The following POLR3E variants were observed in gnomAD, a reference collection of about 807,000 sequenced individuals.
POLR3E encodes DNA-directed RNA polymerase III subunit RPC5.
POLR3E carries 41 observed loss-of-function variants against 96.6 expected under a neutral mutation model. The observed-to-expected ratio is 0.42, with a 90% confidence interval of 0.33 to 0.55. The LOEUF is 0.55. Among genes scored for constraint, POLR3E ranks in the 20% least tolerant of loss-of-function variants. The pLI is 0.06. For missense variants in POLR3E, 849 were observed against 952.1 expected (o/e 0.89, Z 1.43); for synonymous variants, 396 against 383.6 (o/e 1.03, Z -0.38).
chr16:22,305,034 C>T, intron 2 of POLR3E, 122 bp from the exon 3 acceptor site: 2 of 786,166 alleles, frequency 2.5e-6, no homozygotes, highest in Non-Finnish European at 4.6e-6. Flanking sequence ...GAGCTATTTC[C>T]TCCTTCCCCA....
intron 20 of POLR3E, 61 bp downstream of exon 20, chr16:22,332,246 TAGA>T (rs1373765636): frequency 2.0e-6 from 3 of 1,484,412 alleles, no homozygotes; most frequent in Non-Finnish European, 2.8e-6. Context: ...TGACAGTGTG[TAGA>T]AGGGACTCTA....
intron 13 of POLR3E, among the ~76,000 whole-genome samples, chr16:22,319,709 ATT>A (rs1456291557): frequency 4.6e-5 from 7 of 152,096 alleles, no homozygotes; most frequent in African/African-American, 1.7e-4. Context: ...GCATTTAAAC[ATT>A]TTTTAAATTG....
At chr16:22,333,351 C>G (rs1476342320) in intron 20 of POLR3E, among the ~76,000 whole-genome samples, 2 of 150,962 alleles carry the variant, frequency 1.3e-5, no homozygotes, top group Non-Finnish European at 2.9e-5. Flanking sequence ...ACTTGGGAGG[C>G]TGAGGCAGGA....
intron 6 of POLR3E, 55 bp downstream of exon 6, chr16:22,309,565 A>T: frequency 8.7e-5 from 98 of 1,123,118 alleles, no homozygotes; most frequent in Non-Finnish European, 1.2e-4. Context: ...GGGGCTGGGC[A>T]GGGAGAGTAC....
At position 22,334,058 on chromosome 16, in the gene POLR3E, T is replaced by C. The variant is rs1379204256; in HGVS notation, c.*358T>C. ...TTAATATTTTCTTTTGTAAACTTAA[T>C]GCCAACAAGGTCTAAGTTATGTTTA... On this transcript the variant is annotated 3_prime_UTR_variant, in exon 21 of 21. Transcript: ENST00000299853. The C allele has an allele frequency of 9.6e-6, 2 of 207,798 alleles. No homozygotes were observed. The highest frequency in any genetic ancestry group is 1.9e-5 in the Non-Finnish European group (2 of 104,952). 12.9% of individuals were successfully genotyped at this position (207,798 alleles called of 1,614,324 possible). A position where few individuals can be genotyped will look rare whatever the true frequency, so the allele number is the denominator to read the frequency against.
In POLR3E at chr16:22,313,716, C is replaced by T. The variant is rs775257915; in HGVS notation, c.461C>T (p.Ala154Val). The T allele has an allele frequency of 1.6e-5, 25 of 1,610,080 alleles. No homozygotes were observed. Among genetic ancestry groups the T allele is most frequent in the Middle Eastern group, 1.6e-4 (1 of 6,078 alleles). ...KADAKHRERE[A>V]ANEAGDSSQD... is the part of the protein sequence containing the mutation. ...GACGCCAAGCACCGGGAGAGGGAGG[C>T]GGCCAACGAGGGTGAGCCCGGGATC... Residue 154 changes from alanine (A) to valine (V), a missense_variant, in exon 7 of 21, where the codon GCG becomes GTG. Transcript: ENST00000299853. The surrounding 1 kb of genome is among the most constrained non-coding windows in gnomAD (Gnocchi z 4.1).
intron 9 of POLR3E, among the ~76,000 whole-genome samples, 158 bp from the exon 10 acceptor site, chr16:22,316,442 GT>G (rs1437416953): frequency 6.6e-6 from 1 of 152,206 alleles, no homozygotes; most frequent in Non-Finnish European, 1.5e-5. Context: ...AGGAAGATGA[GT>G]GGCTGAGGCC....
chr16:22,332,165 G>A lies in POLR3E; in HGVS notation c.2050G>A (p.Glu684Lys). ...QECGEDLSKQ[E>K]VDKVLKDCCV... ...GTGTGGAGAAGATCTCAGTAAACAG[G>A]AGGTGGATAAAGTACTAAAGGTACA... The change falls in exon 20 of 21, where the codon GAG (glutamate) becomes AAG (lysine). Residue 684 changes from glutamate to lysine, a missense_variant. Glu to Lys is a moderately conservative substitution (Grantham distance 56, BLOSUM62 1). Coordinates refer to ENST00000299853, the MANE Select transcript of POLR3E (RefSeq NM_018119.4). 4 of 1,613,530 alleles carry A rather than the reference G, an allele frequency of 2.5e-6. No homozygotes were observed. The East Asian group carries it at 8.9e-5, about 36-fold the overall frequency.
chr16:22,300,421 A>G (rs1298462617), intron 1 of POLR3E, among the ~76,000 whole-genome samples: 1 of 152,100 alleles, frequency 6.6e-6, no homozygotes, highest in East Asian at 1.9e-4. Flanking sequence ...AAGGAGCTCC[A>G]GCTCTCTAGC....
rs182894270 is a variant in POLR3E at position 22,324,776 on chromosome 16, G to A, written c.1286+116G>A. 2,153 of 1,167,464 alleles carry A rather than the reference G, an allele frequency of 1.8e-3. 26 individuals are homozygous for A. Among genetic ancestry groups the A allele is most frequent in the South Asian group, 0.014 (1,074 of 75,686 alleles). 72.3% of individuals were successfully genotyped at this position (1,167,464 alleles called of 1,614,324 possible). A position where few individuals can be genotyped will look rare whatever the true frequency, so the allele number is the denominator to read the frequency against. The stretch of plus-strand genomic sequence containing the variant: ...TAGAAACCCCACATCTGGGGAGAGC[G>A]CAGTTGGGCTGGATCTGGGTGTGAA... On this transcript the variant is annotated intron_variant, in intron 16 of 20. Transcript: ENST00000299853.
intron 20 of POLR3E, among the ~76,000 whole-genome samples, chr16:22,332,682 G>A (rs1193778163): frequency 6.6e-6 from 1 of 152,082 alleles, no homozygotes; most frequent in African/African-American, 2.4e-5. Flanking sequence ...ACTATCTTCT[G>A]ATTGTTGCCA....
In POLR3E at chr16:22,324,404, C is replaced by T. The variant is rs1003885716; in HGVS notation, c.1119C>T (p.Thr373=). The change falls in exon 15 of 21, where the codon ACC becomes ACT. Residue 373 remains threonine (T), a synonymous_variant. Transcript: ENST00000299853. ...GGGTGGTTAGGAAAGAGGTGGCAAC[C>T]GTGACCAAAGTAAGTGGCGTTTTTG... ...SRWVVRKEVA[T]VTKLCAEDVK... is the part of the protein sequence containing the mutation. 7 of 1,612,582 alleles carry T rather than the reference C, an allele frequency of 4.3e-6. No homozygotes were observed. The highest frequency in any genetic ancestry group is 2.2e-5 in the East Asian group (1 of 44,570).
chr16:22,313,210 A>G lies in POLR3E; in HGVS notation c.365-410A>G, dbSNP rs1251443242. Among the ~76,000 whole-genome samples the G allele has an allele frequency of 2.6e-5, 4 of 152,162 alleles. No individual in the cohort carries two copies. The East Asian group carries it at 7.7e-4, about 29-fold the overall frequency. ...CGGGAAAAGATGGAGGATAAGAAGGAGAGGAAATCCAGGTGTGTGGGGCGG... is the reference window on the plus strand; with the variant it reads ...CGGGAAAAGATGGAGGATAAGAAGGGGAGGAAATCCAGGTGTGTGGGGCGG... On this transcript the variant is annotated intron_variant, in intron 6 of 20. Coordinates refer to ENST00000299853, the MANE Select transcript of POLR3E (RefSeq NM_018119.4). The surrounding 1 kb of genome is among the most constrained non-coding windows in gnomAD (Gnocchi z 4.1).
chr16:22,305,914 T>G (rs1598239062), intron 3 of POLR3E, among the ~76,000 whole-genome samples: 1 of 152,332 alleles, frequency 6.6e-6, no homozygotes, highest in South Asian at 2.1e-4. Flanking sequence ...AGATAGAATT[T>G]ACACACCACA....
intron 14 of POLR3E, 117 bp from the exon 15 acceptor site, chr16:22,324,237 G>T (rs574751092): frequency 2.6e-6 from 2 of 759,664 alleles, no homozygotes; most frequent in Admixed American, 4.4e-5. Flanking sequence ...AAGAATCAAG[G>T]CCAGGAGCCT....
At chr16:22,328,796 T>G (rs2048667933) in intron 19 of POLR3E, 2 of 541,690 alleles carry the variant, frequency 3.7e-6, no homozygotes, top group Non-Finnish European at 3.4e-6. Context: ...GGTTCCCAGA[T>G]GCCAGTCTGT....
intron 1 of POLR3E, among the ~76,000 whole-genome samples, chr16:22,299,189 T>C (rs1309330663): frequency 1.3e-5 from 2 of 152,058 alleles, no homozygotes. Flanking sequence ...AGGAGCAACC[T>C]TGGAAATCCC....
intron 1 of POLR3E, among the ~76,000 whole-genome samples, chr16:22,301,280 T>G (rs1444994512): frequency 6.6e-6 from 1 of 152,120 alleles, no homozygotes; most frequent in East Asian, 1.9e-4. Flanking sequence ...TTACATGGGA[T>G]GATAAAGACT....
chr16:22,307,196 G>A (rs2048151244), intron 3 of POLR3E, among the ~76,000 whole-genome samples: 1 of 152,170 alleles, frequency 6.6e-6, no homozygotes, highest in African/African-American at 2.4e-5. Flanking sequence ...TTAGCAAGGG[G>A]AAGGATGAGG....
Sources: allele counts gnomAD v4.1 joint callset (sites outside exome capture counted in the v4.1 genomes callset), GRCh38; gene constraint gnomAD v4.1.1; non-coding constraint Gnocchi (gnomAD v3.1); transcripts MANE v1.5; gene names NCBI Gene and HGNC (gene_info 2026-07-23, HGNC 2026-07-21).